RIT2: variants seen among roughly 807,000 people sequenced by gnomAD.
RIT2 encodes Ras like without CAAX 2, also known as GTP-binding protein Rit2.
A neutral mutation model predicts 23.7 loss-of-function variants in RIT2; 24 were observed. That is an observed-to-expected ratio of 1.01 (90% CI 0.73 to 1.43). The LOEUF is 1.43. RIT2 is among the 40% of genes most tolerant of loss of function. The pLI, the probability that RIT2 is intolerant of heterozygous loss-of-function variation, is 0.00. For synonymous variants in RIT2, 107 were observed against 91.1 expected, an observed-to-expected ratio of 1.17 and a Z score of -0.99; for missense variants, 236 against 266.9, an observed-to-expected ratio of 0.88 and a Z score of 0.81.
chr18:42,986,431 G>A (rs1445984118), intron 2 of RIT2, among the ~76,000 whole-genome samples: 1 of 152,070 alleles, frequency 6.6e-6, no homozygotes, highest in Non-Finnish European at 1.5e-5. Flanking sequence ...TTTGGTTGTT[G>A]GGGTGGTGGT....
chr18:43,115,449 A>G lies in RIT2; in HGVS notation c.71T>C (p.Val24Ala). The G allele has an allele frequency of 6.2e-7, 1 of 1,613,292 alleles. No homozygotes were observed. The highest frequency in any genetic ancestry group is 8.5e-7 in the Non-Finnish European group (1 of 1,179,658). The change falls in exon 1 of 5, where the codon GTA becomes GCA. Residue 24 changes from valine to alanine, a missense_variant. Transcript: ENST00000326695. ...ACCAACTCCCCCTGCTCCCAGCATT[A>G]CCACCTTGTACTCTCTGGACCCGCC... ...ASGGSREYKV[V>A]MLGAGGVGKS... is the part of the protein sequence containing the mutation.
intron 4 of RIT2, among the ~76,000 whole-genome samples, chr18:42,902,130 A>G (rs1908491967): frequency 6.6e-6 from 1 of 151,880 alleles, no homozygotes; most frequent in Non-Finnish European, 1.5e-5. Flanking sequence ...TAATTTAAAT[A>G]AAATATAAAT....
At chr18:42,791,714 G>A (rs1037442411) in intron 4 of RIT2, among the ~76,000 whole-genome samples, 5 of 152,150 alleles carry the variant, frequency 3.3e-5, no homozygotes, top group Non-Finnish European at 5.9e-5. Flanking sequence ...GTAAACGTTT[G>A]CTGATTTCTG....
rs1195499261 is a variant in RIT2 at position 42,970,269 on chromosome 18, TAA to T, written c.234+3803_234+3804del. ...TGTAAGAAAAACTCTTTCTAATAAG[TAA>T]AGTTTTCCAAAGCTGTGCTTGTTTC... On this transcript the variant is annotated intron_variant, in intron 3 of 4. Transcript: ENST00000326695. Among the ~76,000 whole-genome samples the T allele has an allele frequency of 3.9e-5, 6 of 152,002 alleles. No individual in the cohort carries two copies. In the East Asian group the frequency reaches 1.2e-3, roughly 29 times the overall value.
intron 4 of RIT2, among the ~76,000 whole-genome samples, chr18:42,749,514 G>A (rs533649497): frequency 1.3e-5 from 2 of 151,648 alleles, no homozygotes; most frequent in African/African-American, 2.4e-5. Flanking sequence ...TGGAGAAGAC[G>A]AAATCAAACA....
chr18:42,745,222 C>A (rs1017350218), intron 4 of RIT2, among the ~76,000 whole-genome samples: 2 of 152,028 alleles, frequency 1.3e-5, no homozygotes, highest in African/African-American at 4.8e-5. Context: ...CCTGAGTTAC[C>A]AGGACTCTGA....
intron 2 of RIT2, among the ~76,000 whole-genome samples, chr18:42,979,199 G>A (rs1223726143): frequency 6.6e-6 from 1 of 151,786 alleles, no homozygotes; most frequent in East Asian, 1.9e-4. Flanking sequence ...TCCCAAAGCA[G>A]CTAATGTATT....
intron 1 of RIT2, among the ~76,000 whole-genome samples, chr18:43,106,812 C>A (rs1191770477): frequency 2.0e-5 from 3 of 152,152 alleles, no homozygotes; most frequent in Non-Finnish European, 2.9e-5. Context: ...GCAGAAAGGG[C>A]AGAAATGATG....
chr18:43,106,177 A>C (rs530642000), intron 1 of RIT2, among the ~76,000 whole-genome samples: 2 of 152,372 alleles, frequency 1.3e-5, no homozygotes, highest in African/African-American at 4.8e-5. Flanking sequence ...TGCAAAACTC[A>C]GAAGTGTTCA....
intron 1 of RIT2, among the ~76,000 whole-genome samples, chr18:43,078,709 C>T (rs1045917459): frequency 1.3e-5 from 2 of 152,154 alleles, no homozygotes; most frequent in South Asian, 2.1e-4. Flanking sequence ...TCCCGCTTCC[C>T]GGGACGTTTT....
intron 2 of RIT2, among the ~76,000 whole-genome samples, chr18:43,006,178 A>T (rs1354928764): frequency 6.6e-6 from 1 of 151,798 alleles, no homozygotes; most frequent in East Asian, 1.9e-4. Context: ...GCTGTATAGT[A>T]GTACAATTTT....
chr18:43,094,003 G>A (rs919538871), intron 1 of RIT2, among the ~76,000 whole-genome samples: 4 of 151,812 alleles, frequency 2.6e-5, no homozygotes, highest in Admixed American at 6.6e-5. Flanking sequence ...AGGAGCAGGG[G>A]AGCAAGCACC....
intron 2 of RIT2, among the ~76,000 whole-genome samples, chr18:43,025,625 C>CAT (rs374308475): frequency 1.9e-4 from 29 of 151,508 alleles, no homozygotes; most frequent in East Asian, 1.7e-3. Context: ...CACACACACA[C>CAT]ATATATATAT....
At chr18:43,028,440 G>C (rs1443161526) in intron 2 of RIT2, among the ~76,000 whole-genome samples, 1 of 152,046 alleles carries the variant, frequency 6.6e-6, no homozygotes, top group East Asian at 1.9e-4. Context: ...TAGCAAGCAA[G>C]AAGTTGTTAC....
chr18:42,942,632 G>A (rs2144160635), intron 3 of RIT2, among the ~76,000 whole-genome samples: 1 of 152,094 alleles, frequency 6.6e-6, no homozygotes, highest in South Asian at 2.1e-4. Context: ...CCTTCCATAT[G>A]CCAAAGCTGT....
At chr18:42,911,389 C>T (rs1005829973) in intron 4 of RIT2, among the ~76,000 whole-genome samples, 4 of 151,670 alleles carry the variant, frequency 2.6e-5, no homozygotes, top group Non-Finnish European at 5.9e-5. Flanking sequence ...GCCAATTCAT[C>T]TAAAAAAATC....
intron 1 of RIT2, among the ~76,000 whole-genome samples, chr18:43,047,241 T>A (rs926191428): frequency 6.6e-6 from 1 of 152,124 alleles, no homozygotes; most frequent in South Asian, 2.1e-4. Flanking sequence ...AATCTTCCGC[T>A]TTTTCACTCA....
chr18:43,001,472 G>A (rs1911106308), intron 2 of RIT2, among the ~76,000 whole-genome samples: 1 of 151,968 alleles, frequency 6.6e-6, no homozygotes, highest in Admixed American at 6.6e-5. Flanking sequence ...GAAAGTGAGT[G>A]CCGACAAACA....
rs1909116771 is a variant in RIT2 at position 42,923,839 on chromosome 18, T to G, written c.235-76A>C. On this transcript the variant is annotated intron_variant, in intron 3 of 4. Transcript: ENST00000326695. Reference sequence around the variant, plus strand: ...TAATATGAGGTTTAAATGTAATCATTATGAAATTTGAATGTTTTAAACTAT... The same window carrying G: ...TAATATGAGGTTTAAATGTAATCATGATGAAATTTGAATGTTTTAAACTAT... The G allele has an allele frequency of 2.6e-6, 3 of 1,164,562 alleles. No homozygotes were observed. In the East Asian group the frequency reaches 7.2e-5, roughly 28 times the overall value. 72.1% of individuals were successfully genotyped at this position (1,164,562 alleles called of 1,614,324 possible).
Sources: gnomAD v4.1 joint callset for allele counts (sites outside exome capture counted in the v4.1 genomes callset) on GRCh38, gnomAD v4.1.1 for gene constraint, MANE v1.5 for transcripts, NCBI Gene and HGNC (gene_info 2026-07-23, HGNC 2026-07-21) for gene names.